Variants in ESRP1 observed in about 807,000 individuals in gnomAD.
ESRP1 encodes the protein RNA-binding motif protein 35A.
ESRP1 carries 33 observed loss-of-function variants against 81.7 expected under a neutral mutation model. The ratio of observed to expected loss-of-function variants is 0.40; its 90% CI spans 0.31 to 0.54. ESRP1 has a LOEUF of 0.54. ESRP1 is among the 20% of genes least tolerant of loss of function. ESRP1 has a pLI of 0.41. For synonymous variants in ESRP1, 320 were observed against 303.3 expected (o/e 1.06, Z -0.57); for missense variants, 672 against 833.1 (o/e 0.81, Z 2.38).
intron 15 of ESRP1, among the ~76,000 whole-genome samples, chr8:94,705,372 T>C (rs2130751487): frequency 6.6e-6 from 1 of 152,186 alleles, no homozygotes; most frequent in South Asian, 2.1e-4. Flanking sequence ...TTCACCATGT[T>C]GGCCAGGCTG....
At position 94,674,441 on chromosome 8, in the gene ESRP1, A is replaced by G. The variant is rs1819491531; in HGVS notation, c.1586A>G (p.Asn529Ser). The G allele has an allele frequency of 6.2e-7, 1 of 1,613,822 alleles. No individual in the cohort carries two copies. Among genetic ancestry groups the G allele is most frequent in the African/African-American group, 1.3e-5 (1 of 74,910 alleles). ...TTTCAGTGTTCAGCTGAGGAGATGAACTTTGTGTTAATGGGGGGCACTTTA... is the reference window on the plus strand; with the variant it reads ...TTTCAGTGTTCAGCTGAGGAGATGAGCTTTGTGTTAATGGGGGGCACTTTA... ...EVFQCSAEEM[N>S]FVLMGGTLNR... is the part of the protein sequence containing the mutation. Residue 529 changes from asparagine to serine, a missense_variant, in exon 12 of 16, where the codon AAC becomes AGC. By Grantham distance (46) the Asn-to-Ser change is conservative. Transcript: ENST00000433389.
chr8:94,687,028 C>G (rs1809167971), intron 13 of ESRP1, among the ~76,000 whole-genome samples: 1 of 152,112 alleles, frequency 6.6e-6, no homozygotes, highest in Admixed American at 6.5e-5. Flanking sequence ...CCAAAATTTA[C>G]AATTGTAGAA....
intron 13 of ESRP1, among the ~76,000 whole-genome samples, chr8:94,681,886 A>G (rs946890038): frequency 6.6e-6 from 1 of 152,190 alleles, no homozygotes; most frequent in Non-Finnish European, 1.5e-5. Flanking sequence ...GTGAGCCAAG[A>G]TCATGCCACT....
At position 94,646,204 on chromosome 8, in the gene ESRP1, G is replaced by T; in HGVS notation, c.412G>T (p.Asp138Tyr). Reference sequence around the variant, plus strand: ...ACCTGAATGCTTCTATTCCTTTTTTGATCTTCGAAAAGAATTCAAGAAATG... The same window carrying T: ...ACCTGAATGCTTCTATTCCTTTTTTTATCTTCGAAAAGAATTCAAGAAATG... ...LLPECFYSFF[D>Y]LRKEFKKCCP... The change falls in exon 4 of 16, where the codon GAT becomes TAT. Residue 138 changes from aspartate (D) to tyrosine (Y), a missense_variant. Asp to Tyr is a radical substitution (Grantham distance 160, BLOSUM62 -3). Coordinates refer to ENST00000433389, the MANE Select transcript of ESRP1 (RefSeq NM_017697.4). 1 of 1,610,580 alleles carries T rather than the reference G, an allele frequency of 6.2e-7. No homozygotes were observed. Among genetic ancestry groups the T allele is most frequent in the South Asian group, 1.1e-5 (1 of 90,544 alleles).
chr8:94,646,004 A>C (rs1166789872), intron 3 of ESRP1, among the ~76,000 whole-genome samples, 164 bp from the exon 4 acceptor site: 2 of 152,158 alleles, frequency 1.3e-5, no homozygotes, highest in Admixed American at 1.3e-4. Flanking sequence ...ATAGGATCTA[A>C]TATAGAAACA....
intron 2 of ESRP1, among the ~76,000 whole-genome samples, 172 bp from the exon 3 acceptor site, chr8:94,643,131 G>T (rs143046189): frequency 2.6e-5 from 4 of 152,320 alleles, no homozygotes; most frequent in Admixed American, 1.3e-4. Context: ...TCCCTACCTC[G>T]AGGAAGCTAG....
intron 6 of ESRP1, 117 bp from the exon 7 acceptor site, chr8:94,664,575 GCTAGT>G: frequency 1.4e-6 from 1 of 694,134 alleles, no homozygotes; most frequent in Non-Finnish European, 2.5e-6. Context: ...AAGTAGTATT[GCTAGT>G]CTGTCTGAAC....
chr8:94,692,604 T>C, intron 13 of ESRP1, 73 bp from the exon 14 acceptor site: 1 of 1,493,042 alleles, frequency 6.7e-7, no homozygotes, highest in Non-Finnish European at 9.1e-7. Flanking sequence ...TTTCCTTAAG[T>C]AACTAATGTT....
rs529336303 is a variant in ESRP1 at position 94,670,715 on chromosome 8, A to G, written c.1234-738A>G. Among the ~76,000 whole-genome samples, 20 of 152,342 alleles carry G rather than the reference A, an allele frequency of 1.3e-4. No homozygotes were observed. The East Asian group carries it at 3.7e-3, about 28-fold the overall frequency. On this transcript the variant is annotated intron_variant, in intron 10 of 15. Coordinates refer to ENST00000433389, the MANE Select transcript of ESRP1 (RefSeq NM_017697.4). ...GTTGCCTAAGGGCAGTCTTTTGTCT[A>G]AAATTCGCCTAACCTATCATCATCC...
At chr8:94,689,673 A>G (rs545574946) in intron 13 of ESRP1, among the ~76,000 whole-genome samples, 107 of 152,008 alleles carry the variant, frequency 7.0e-4, no homozygotes, top group Admixed American at 3.7e-3. Flanking sequence ...TTGTTTTGAG[A>G]CAGAGCCTCA....
chr8:94,663,331 C>T (rs961186403), intron 6 of ESRP1, among the ~76,000 whole-genome samples: 1 of 152,130 alleles, frequency 6.6e-6, no homozygotes, highest in Admixed American at 6.5e-5. Flanking sequence ...CTGCAACCTC[C>T]GCCTCCCGGG....
chr8:94,660,990 A>G (rs1818715458), intron 4 of ESRP1, among the ~76,000 whole-genome samples: 1 of 152,064 alleles, frequency 6.6e-6, no homozygotes, highest in Non-Finnish European at 1.5e-5. Context: ...CAACAAAAAG[A>G]TTGACTCACT....
In ESRP1 at chr8:94,668,061, G is replaced by A. The variant is rs755921114; in HGVS notation, c.1044G>A (p.Gln348=). 8 of 1,613,910 alleles carry A rather than the reference G, an allele frequency of 5.0e-6. No individual in the cohort carries two copies. The highest frequency in any genetic ancestry group is 6.8e-6 in the Non-Finnish European group (8 of 1,179,898). The change falls in exon 10 of 16, where the codon CAG becomes CAA. Residue 348 remains glutamine, a synonymous_variant. Transcript: ENST00000433389. Reference sequence around the variant, plus strand: ...AAGAAGTGGTGGCCTTCTTTGGACAGCATTGCCCTATTACTGGGGGAAAGG... The same window carrying A: ...AAGAAGTGGTGGCCTTCTTTGGACAACATTGCCCTATTACTGGGGGAAAGG... ...TAEEVVAFFG[Q]HCPITGGKEG...
chr8:94,686,015 T>G (rs1401113905), intron 13 of ESRP1, among the ~76,000 whole-genome samples: 1 of 152,172 alleles, frequency 6.6e-6, no homozygotes, highest in Non-Finnish European at 1.5e-5. Context: ...TGGTGCAATC[T>G]CGGCTCACTG....
chr8:94,688,480 A>G, intron 13 of ESRP1: 1 of 238,218 alleles, frequency 4.2e-6, no homozygotes, highest in Non-Finnish European at 8.5e-6. Flanking sequence ...AAAGATCTAG[A>G]AAAGTGGCAG....
At chr8:94,645,427 GA>G (rs3840685) in intron 3 of ESRP1, among the ~76,000 whole-genome samples, 89,644 of 149,622 alleles carry the variant, frequency 0.6, 29,088 homozygotes, top group South Asian at 0.81. Context: ...ATTTTGTTAA[GA>G]AAAAAAAAAA....
chr8:94,685,045 A>G (rs1413759887), intron 13 of ESRP1, among the ~76,000 whole-genome samples: 1 of 151,476 alleles, frequency 6.6e-6, no homozygotes, highest in Admixed American at 6.6e-5. Flanking sequence ...AGCCATATAT[A>G]TCTATATATG....
At chr8:94,664,251 G>T (rs1818900995) in intron 6 of ESRP1, among the ~76,000 whole-genome samples, 1 of 150,682 alleles carries the variant, frequency 6.6e-6, no homozygotes, top group Admixed American at 6.7e-5. Flanking sequence ...GGCCTCCCAA[G>T]TAACTGGGAT....
In ESRP1 at chr8:94,672,768, G is replaced by A. The variant is rs558637954; in HGVS notation, c.1452+1097G>A. Among the ~76,000 whole-genome samples the A allele has an allele frequency of 2.0e-5, 3 of 152,292 alleles. No homozygotes were observed. The South Asian group carries it at 6.2e-4, about 32-fold the overall frequency. On this transcript the variant is annotated intron_variant, in intron 11 of 15. Coordinates refer to ENST00000433389, the MANE Select transcript of ESRP1 (RefSeq NM_017697.4). Reference sequence around the variant, plus strand: ...GGCTGGTCTCAAACTCCTGACCTCGGGCGATCTACCCGCCTTGGCCTCCCA... The same window carrying A: ...GGCTGGTCTCAAACTCCTGACCTCGAGCGATCTACCCGCCTTGGCCTCCCA...
Sources: allele counts gnomAD v4.1 joint callset (sites outside exome capture counted in the v4.1 genomes callset), GRCh38; gene constraint gnomAD v4.1.1; transcripts MANE v1.5; gene names NCBI Gene and HGNC (gene_info 2026-07-23, HGNC 2026-07-21).